SLC10A6: variants seen among roughly 807,000 people sequenced by gnomAD.
SLC10A6 encodes the protein solute carrier family 10 member 6.
A neutral mutation model predicts 30.0 loss-of-function variants in SLC10A6; 27 were observed. The ratio of observed to expected loss-of-function variants is 0.90; its 90% CI spans 0.66 to 1.24. SLC10A6 has a LOEUF of 1.24. SLC10A6 is among the 50% of genes most tolerant of loss of function. The probability of loss-of-function intolerance (pLI) is 0.00; values close to 1 mark genes in which losing one functional copy is unlikely to be tolerated. For synonymous variants in SLC10A6, 166 were observed against 173.8 expected, an observed-to-expected ratio of 0.95 and a Z score of 0.36; for missense variants, 439 against 457.0, an observed-to-expected ratio of 0.96 and a Z score of 0.36.
chr4:86,846,132 T>C (rs987735578), intron 1 of SLC10A6, among the ~76,000 whole-genome samples: 1 of 152,210 alleles, frequency 6.6e-6, no homozygotes, highest in African/African-American at 2.4e-5. Flanking sequence ...AAAACTGATT[T>C]TTTGTTGGTA....
At chr4:86,826,719 C>A (rs905978610) in intron 4 of SLC10A6, among the ~76,000 whole-genome samples, 3 of 152,048 alleles carry the variant, frequency 2.0e-5, no homozygotes, top group Admixed American at 1.3e-4. Flanking sequence ...ATGAAGTAAA[C>A]CTCATTTGAA....
chr4:86,837,273 A>G (rs1387942436), intron 1 of SLC10A6, among the ~76,000 whole-genome samples: 7 of 104,012 alleles, frequency 6.7e-5, no homozygotes, highest in East Asian at 3.0e-4. Context: ...GAAAGAAAGA[A>G]AGAAAGAAAG....
rs1209080970 is a variant in SLC10A6, at chr4:86,837,293, GGA to G, written c.378-3871_378-3870del. On this transcript the variant is annotated intron_variant, in intron 1 of 5. Transcript: ENST00000273905. ...AAAGAAAGAAAGAAAGAAAAAGAAA[GGA>G]AGGAAGGAAGGAAGGAAGGAAGGAA... is the stretch of plus-strand genomic sequence containing the variant. Among the ~76,000 whole-genome samples, 74 of 75,034 alleles carry G rather than the reference GGA, an allele frequency of 9.9e-4. 5 individuals are homozygous for G. Among genetic ancestry groups the G allele is most frequent in the African/African-American group, 3.3e-3 (51 of 15,636 alleles). 49.2% of individuals were successfully genotyped at this position (75,034 alleles called of 152,430 possible). A position where few individuals can be genotyped will look rare whatever the true frequency, so the allele number is the denominator to read the frequency against.
intron 1 of SLC10A6, among the ~76,000 whole-genome samples, chr4:86,842,822 CTTTCTTTCTTTCTTTCTTTCTTTCT>C (rs1746319158): frequency 3.2e-5 from 1 of 30,926 alleles, no homozygotes; most frequent in Non-Finnish European, 5.4e-5. Flanking sequence ...TTCTTTCTTT[CTTTCTTTCTTTCTTTCTTTCTTTCT>C]TTCTTTCTTT....
intron 5 of SLC10A6, 49 bp downstream of exon 5, chr4:86,825,371 G>T (rs761623776): frequency 8.5e-6 from 13 of 1,534,924 alleles, no homozygotes; most frequent in Non-Finnish European, 1.2e-5. Flanking sequence ...GTAAGTTGGG[G>T]TGAACAATTT....
Position 86,849,281 on chromosome 4 carries a change from C to A in SLC10A6, c.-166G>T. On this transcript the variant is annotated 5_prime_UTR_variant, in exon 1 of 6. Transcript: ENST00000273905. ...CATCCTAATCTGATCAATTTTTTCA[C>A]AAGTGGCATTATAAAAGTAATTATC... 1 of 747,336 alleles carries A rather than the reference C, an allele frequency of 1.3e-6. No homozygotes were observed. Among genetic ancestry groups the A allele is most frequent in the Non-Finnish European group, 2.1e-6 (1 of 467,374 alleles). The allele number at this position is 747,336 out of a possible 1,614,324, so 46.3% of individuals were successfully genotyped here.
At position 86,849,139 on chromosome 4, in the gene SLC10A6, T is replaced by C. The variant is rs1266091323; in HGVS notation, c.-24A>G. On this transcript the variant is annotated 5_prime_UTR_variant, in exon 1 of 6. The change abolishes an upstream ATG in the 5' untranslated region. Transcript: ENST00000273905. ...ATCTCCTCATCTCCTTAAGGCAGCA[T>C]TACAAATGAACATCGGCAACAATGG... The C allele has an allele frequency of 1.9e-6, 3 of 1,586,226 alleles. No homozygotes were observed. The highest frequency in any genetic ancestry group is 4.5e-5 in the East Asian group (2 of 44,568).
rs569333477 is a variant in SLC10A6 at position 86,823,721 on chromosome 4, G to A, written c.1101C>T (p.Leu367=). The A allele has an allele frequency of 1.1e-5, 18 of 1,612,982 alleles. No individual in the cohort carries two copies. The highest frequency in any genetic ancestry group is 2.2e-5 in the East Asian group (1 of 44,884). The change falls in exon 6 of 6, where the codon CTC becomes CTT. Residue 367 remains leucine, a synonymous_variant. Coordinates refer to ENST00000273905, the MANE Select transcript of SLC10A6 (RefSeq NM_197965.3). ...PPGPMDCHRA[L]EPVGHITSCE is the part of the protein sequence containing the mutation. Reference sequence around the variant, plus strand: ...ATGAAGTGATGTGGCCAACTGGCTCGAGAGCCCTGTGGCAATCCATTGGCC... The same window carrying A: ...ATGAAGTGATGTGGCCAACTGGCTCAAGAGCCCTGTGGCAATCCATTGGCC...
chr4:86,826,768 T>G lies in SLC10A6; in HGVS notation c.762-1191A>C, dbSNP rs937602746. Among the ~76,000 whole-genome samples the G allele has an allele frequency of 3.3e-5, 5 of 152,092 alleles. No individual in the cohort carries two copies. The South Asian group carries it at 8.3e-4, about 25-fold the overall frequency. Reference sequence around the variant, plus strand: ...GAATAGAGGGAAGACCTGGGCAGGATGTTGAGGGCTGAGTTAAGCAGTTTC... The same window carrying G: ...GAATAGAGGGAAGACCTGGGCAGGAGGTTGAGGGCTGAGTTAAGCAGTTTC... On this transcript the variant is annotated intron_variant, in intron 4 of 5. Coordinates refer to ENST00000273905, the MANE Select transcript of SLC10A6 (RefSeq NM_197965.3).
chr4:86,824,327 G>T (rs1373080466), intron 5 of SLC10A6, among the ~76,000 whole-genome samples: 1 of 152,162 alleles, frequency 6.6e-6, no homozygotes, highest in Non-Finnish European at 1.5e-5. Flanking sequence ...GAAAACTTGG[G>T]TCTGAGACCA....
At chr4:86,835,084 A>G (rs1019872163) in intron 1 of SLC10A6, among the ~76,000 whole-genome samples, 13 of 152,200 alleles carry the variant, frequency 8.5e-5, no homozygotes, top group African/African-American at 3.1e-4. Context: ...TGTGGAGAGG[A>G]CAAACACCCA....
intron 1 of SLC10A6, among the ~76,000 whole-genome samples, chr4:86,843,253 T>C (rs915918776): frequency 3.9e-5 from 6 of 152,018 alleles, no homozygotes; most frequent in African/African-American, 1.5e-4. Context: ...GTTTACCGAG[T>C]GCCTACCACT....
At chr4:86,832,367 G>T (rs148466557) in intron 2 of SLC10A6, among the ~76,000 whole-genome samples, 1 of 152,178 alleles carries the variant, frequency 6.6e-6, no homozygotes, top group Non-Finnish European at 1.5e-5. Flanking sequence ...CACTTTGGGA[G>T]GCCAAGGTGG....
intron 1 of SLC10A6, among the ~76,000 whole-genome samples, chr4:86,841,529 C>G (rs555318590): frequency 1.3e-5 from 2 of 152,252 alleles, no homozygotes; most frequent in African/African-American, 4.8e-5. Flanking sequence ...TTCAGTATAA[C>G]AAGATTCCAC....
rs1746028944 is a variant in SLC10A6, at chr4:86,828,210, T to G, written c.586-42A>C. On this transcript the variant is annotated intron_variant, in intron 3 of 5. Transcript: ENST00000273905. ...AATAAGTGAATATAAACTCAGGGTT[T>G]TTTGCTCTATGATACAAAGTCCATC... The G allele has an allele frequency of 3.8e-6, 6 of 1,587,518 alleles. No homozygotes were observed. In the African/African-American group the frequency reaches 5.5e-5, roughly 14 times the overall value.
At chr4:86,829,288 G>A (rs1255045107) in intron 3 of SLC10A6, among the ~76,000 whole-genome samples, 1 of 152,118 alleles carries the variant, frequency 6.6e-6, no homozygotes, top group Non-Finnish European at 1.5e-5. Flanking sequence ...ACACATGCCT[G>A]TAATCCCAGC....
In SLC10A6 at chr4:86,823,784, C is replaced by T; in HGVS notation, c.1038G>A (p.Glu346=). Residue 346 remains glutamate (E), a synonymous_variant, in exon 6 of 6, where the codon GAG becomes GAA. Coordinates refer to ENST00000273905, the MANE Select transcript of SLC10A6 (RefSeq NM_197965.3). The part of the protein sequence containing the change: ...TSSRETNAFL[E]VNEEGAITPG... Reference sequence around the variant, plus strand: ...GAGTGATGGCACCTTCTTCATTCACCTCCAAGAAGGCATTGGTCTCTCTGG... The same window carrying T: ...GAGTGATGGCACCTTCTTCATTCACTTCCAAGAAGGCATTGGTCTCTCTGG... The T allele has an allele frequency of 6.2e-7, 1 of 1,614,234 alleles. No homozygotes were observed. Among genetic ancestry groups the T allele is most frequent in the Non-Finnish European group, 8.5e-7 (1 of 1,180,020 alleles).
intron 1 of SLC10A6, among the ~76,000 whole-genome samples, chr4:86,847,556 AT>A (rs201089873): frequency 1.7e-4 from 25 of 151,418 alleles, no homozygotes; most frequent in Non-Finnish European, 2.4e-4. Context: ...TCATCAAGTT[AT>A]TTTTTTTTCA....
chr4:86,833,698 A>G (rs1476732274), intron 1 of SLC10A6, among the ~76,000 whole-genome samples: 1 of 152,124 alleles, frequency 6.6e-6, no homozygotes, highest in Non-Finnish European at 1.5e-5. Context: ...TTATTTTCTT[A>G]TCTAGTTCTT....
Sources: gnomAD v4.1 joint callset for allele counts (sites outside exome capture counted in the v4.1 genomes callset) on GRCh38, gnomAD v4.1.1 for gene constraint, MANE v1.5 for transcripts, NCBI Gene and HGNC (gene_info 2026-07-23, HGNC 2026-07-21) for gene names.